Variants in SCAF11 observed in about 807,000 individuals in gnomAD.
SCAF11 encodes the protein protein SCAF11.
SCAF11 carries 47 observed loss-of-function variants against 140.5 expected under a neutral mutation model. That is an observed-to-expected ratio of 0.33 (90% CI 0.26 to 0.43). SCAF11 has a LOEUF of 0.43. Among genes scored for constraint, SCAF11 ranks in the 20% least tolerant of loss-of-function variants. SCAF11 has a pLI of 1.00. For missense variants in SCAF11, 1,645 were observed against 1,705.1 expected (o/e 0.96, Z 0.62); for synonymous variants, 557 against 579.4 (o/e 0.96, Z 0.55).
upstream of SCAF11, among the ~76,000 whole-genome samples, chr12:45,991,142 G>A (rs1946600280): frequency 6.6e-6 from 1 of 152,262 alleles, no homozygotes; most frequent in Non-Finnish European, 1.5e-5. Flanking sequence ...GTGGAGTGAA[G>A]AGTCGGCAAT....
At chr12:45,956,143 C>T (rs374369236) in intron 3 of SCAF11, 3 of 716,822 alleles carry the variant, frequency 4.2e-6, no homozygotes, top group African/African-American at 1.7e-5. Context: ...TTTCTCGCTT[C>T]CTCCTGCTGC....
intron 1 of SCAF11, among the ~76,000 whole-genome samples, chr12:45,979,164 C>T (rs1460687820): frequency 1.4e-5 from 2 of 145,540 alleles, no homozygotes; most frequent in African/African-American, 5.0e-5. Context: ...TTAGTTCTCT[C>T]CAGCCCTTAT....
At chr12:45,942,417 G>C (rs891911269) in intron 6 of SCAF11, among the ~76,000 whole-genome samples, 1 of 152,112 alleles carries the variant, frequency 6.6e-6, no homozygotes, top group Admixed American at 6.6e-5. Context: ...ACTCTTATTC[G>C]TCTATGATTT....
rs143757539 is a variant in SCAF11, at chr12:45,981,269, T to C, written c.-22+9084A>G. Among the ~76,000 whole-genome samples the C allele has an allele frequency of 5.3e-5, 8 of 152,288 alleles. No homozygotes were observed. The East Asian group carries it at 5.8e-4, about 11-fold the overall frequency. On this transcript the variant is annotated intron_variant, in intron 1 of 14. Transcript: ENST00000369367. ...ACCATAAAAGTATATCAGTAAGACA[T>C]GTTAATGAGAAAGGAAACAGGGATG...
At chr12:45,923,498 C>T (rs576696879) in intron 12 of SCAF11, among the ~76,000 whole-genome samples, 2 of 152,220 alleles carry the variant, frequency 1.3e-5, no homozygotes, top group African/African-American at 4.8e-5. Flanking sequence ...AGTGCCCTCA[C>T]TTTAAAGCCT....
Position 45,945,315 on chromosome 12 carries a change from T to G in SCAF11, c.399-2A>C. The G allele has an allele frequency of 6.5e-7, 1 of 1,541,564 alleles. No homozygotes were observed. The highest frequency in any genetic ancestry group is 8.8e-7 in the Non-Finnish European group (1 of 1,133,454). Reference sequence around the variant, plus strand: ...TCTTCTCTTACGATGGCTTTTCTTCTGTAAACATCAATAAAGACAGGAAAG... The same window carrying G: ...TCTTCTCTTACGATGGCTTTTCTTCGGTAAACATCAATAAAGACAGGAAAG... On this transcript the variant is annotated splice_acceptor_variant, in intron 5 of 14. Coordinates refer to ENST00000369367, the MANE Select transcript of SCAF11 (RefSeq NM_004719.3). LOFTEE classifies it high-confidence loss of function.
At chr12:45,956,006 A>C in intron 3 of SCAF11, 1 of 673,004 alleles carries the variant, frequency 1.5e-6, no homozygotes, top group Non-Finnish European at 2.7e-6. Context: ...TAATCTTCCT[A>C]ATGATTTCAG....
At chr12:45,979,750 C>T (rs2136659723) in intron 1 of SCAF11, among the ~76,000 whole-genome samples, 1 of 152,182 alleles carries the variant, frequency 6.6e-6, no homozygotes, top group East Asian at 1.9e-4. Flanking sequence ...AATTATGTTA[C>T]ATAAATGTAT....
At chr12:45,951,040 TG>T (rs575475313) in intron 4 of SCAF11, among the ~76,000 whole-genome samples, 24 of 152,298 alleles carry the variant, frequency 1.6e-4, no homozygotes, top group Non-Finnish European at 2.9e-4. Flanking sequence ...AACTCAGACA[TG>T]TTTTTTTGTT....
chr12:45,927,114 G>A lies in SCAF11; in HGVS notation c.2587C>T (p.Gln863Ter). 6.2e-7 allele frequency: 1 copy of A among 1,614,174 alleles called. No individual in the cohort carries two copies. The highest frequency in any genetic ancestry group is 8.5e-7 in the Non-Finnish European group (1 of 1,180,022). Residue 863 changes from glutamine to a stop codon, truncating the protein, a stop_gained, in exon 11 of 15, where the codon CAG becomes TAG. Coordinates refer to ENST00000369367, the MANE Select transcript of SCAF11 (RefSeq NM_004719.3). LOFTEE classifies it high-confidence loss of function. ...KDIARERRQS[Q>*]SRSPKRDTTR... ...GTATCCCTTTTTGGAGACCGAGACT[G>A]AGATTGCCTCCTTTCTCTTGCAATA... is the stretch of plus-strand genomic sequence containing the variant.
Position 45,926,366 on chromosome 12 carries a change from C to T in SCAF11, c.3335G>A (p.Ser1112Asn). ...CTGTTCCACAAACTTGAAAGATTCA[C>T]TCCCTGAACTGTTTGAATTCCCTGA... is the stretch of plus-strand genomic sequence containing the variant. ...PLSGNSNSSG[S>N]ESFKFVEQQS... The change falls in exon 11 of 15, where the codon AGT (serine) becomes AAT (asparagine). Residue 1112 changes from serine to asparagine, a missense_variant. By Grantham distance (46) the Ser-to-Asn change is conservative. Transcript: ENST00000369367. 1.2e-6 allele frequency: 2 copies of T among 1,614,200 alleles called. No individual in the cohort carries two copies. Among genetic ancestry groups the T allele is most frequent in the Non-Finnish European group, 1.7e-6 (2 of 1,180,030 alleles).
Position 45,948,040 on chromosome 12 carries a change from T to C in SCAF11, c.398+397A>G, listed in dbSNP as rs138576816. 1.6e-3 allele frequency among the ~76,000 whole-genome samples: 245 copies of C among 152,324 alleles called. 1 individual carries two copies. Among genetic ancestry groups the C allele is most frequent in the African/African-American group, 5.7e-3 (235 of 41,564 alleles). On this transcript the variant is annotated intron_variant, in intron 5 of 14. Transcript: ENST00000369367. ...ACAAAAGGTTTGGTCTAAAACAGAT[T>C]CAGAAATAAACTGAAAAGAACGAAT...
chr12:45,945,423 T>C lies in SCAF11; in HGVS notation c.399-110A>G, dbSNP rs552089323. On this transcript the variant is annotated intron_variant, in intron 5 of 14. Coordinates refer to ENST00000369367, the MANE Select transcript of SCAF11 (RefSeq NM_004719.3). The stretch of plus-strand genomic sequence containing the variant: ...AAATGAAATCTATCATGCACTGATT[T>C]TGGTAACTATGCTGAAATCTGGTAA... 1,119 of 656,294 alleles carry C rather than the reference T, an allele frequency of 1.7e-3. 2 individuals carry two copies. The highest frequency in any genetic ancestry group is 2.5e-3 in the Non-Finnish European group (946 of 377,060). The allele number at this position is 656,294 out of a possible 1,614,324, so 40.7% of individuals were successfully genotyped here.
At chr12:45,988,879 CT>C (rs918229963) in intron 1 of SCAF11, among the ~76,000 whole-genome samples, 12 of 152,246 alleles carry the variant, frequency 7.9e-5, no homozygotes, top group African/African-American at 2.6e-4. Context: ...ACCCTAAGAA[CT>C]GTTTTTAAAA....
At chr12:45,965,034 TCA>T (rs1318902442) in intron 1 of SCAF11, among the ~76,000 whole-genome samples, 1 of 151,928 alleles carries the variant, frequency 6.6e-6, no homozygotes, top group Non-Finnish European at 1.5e-5. Flanking sequence ...ATCTGAAAAA[TCA>T]CAGTGAGAGG....
chr12:45,984,785 C>T (rs1946425169), intron 1 of SCAF11, among the ~76,000 whole-genome samples: 1 of 151,558 alleles, frequency 6.6e-6, no homozygotes, highest in African/African-American at 2.4e-5. Flanking sequence ...AACTCCACCT[C>T]CCAGGTTCAA....
At position 45,990,493 on chromosome 12, in the gene SCAF11, C is replaced by T. The variant is rs1212719679; in HGVS notation, c.-162G>A. The T allele has an allele frequency of 7.3e-6, 9 of 1,230,328 alleles. No individual in the cohort carries two copies. The highest frequency in any genetic ancestry group is 1.6e-5 in the African/African-American group (1 of 64,086). 76.2% of individuals were successfully genotyped at this position (1,230,328 alleles called of 1,614,324 possible). A position where few individuals can be genotyped will look rare whatever the true frequency, so the allele number is the denominator to read the frequency against. ...TACAGGGTCTCTAGGACACTGACTC[C>T]GCTGGCTCGGTCCGGAGGCGGCGGC... On this transcript the variant is annotated 5_prime_UTR_variant, in exon 1 of 15. Transcript: ENST00000369367.
In SCAF11 at chr12:45,961,836, G is replaced by A; in HGVS notation, c.83C>T (p.Thr28Ile). Reference protein sequence around the residue: ...DMEGEENGDNTISTGLLYSEA... With the variant: ...DMEGEENGDNIISTGLLYSEA... ...ACTGTACAACAGACCAGTGGAAATA[G>A]TATTATCTCCGTTTTCTTCACCTGT... The change falls in exon 3 of 15, where the codon ACT becomes ATT. Residue 28 changes from threonine (T) to isoleucine (I), a missense_variant. Physicochemically the swap from Thr to Ile is moderately conservative, Grantham distance 89. Coordinates refer to ENST00000369367, the MANE Select transcript of SCAF11 (RefSeq NM_004719.3). 5 of 1,603,318 alleles carry A rather than the reference G, an allele frequency of 3.1e-6. No homozygotes were observed. The highest frequency in any genetic ancestry group is 4.3e-6 in the Non-Finnish European group (5 of 1,175,786).
At chr12:45,961,665 T>C (rs1945834615) in intron 3 of SCAF11, 35 bp downstream of exon 3, 1 of 1,531,780 alleles carries the variant, frequency 6.5e-7, no homozygotes, top group Non-Finnish European at 8.9e-7. Context: ...GAAATCATGC[T>C]AGGAAATTAA....
Sources: gnomAD v4.1 joint callset for allele counts (sites outside exome capture counted in the v4.1 genomes callset) on GRCh38, gnomAD v4.1.1 for gene constraint, MANE v1.5 for transcripts, NCBI Gene and HGNC (gene_info 2026-07-23, HGNC 2026-07-21) for gene names.